Variants in DNAH9 observed in about 807,000 individuals in gnomAD.
DNAH9 encodes DNAH9 variant protein.
In DNAH9, 345 loss-of-function variants were observed where a neutral mutation model predicts 471.6. The observed-to-expected ratio is 0.73, with a 90% CI of 0.67 to 0.80. DNAH9 has a LOEUF of 0.80. Ranked by LOEUF, DNAH9 falls within the 30% of genes least tolerant of loss-of-function variation. DNAH9 has a pLI of 0.00. For missense variants in DNAH9, 5,407 were observed against 5,609.2 expected, an observed-to-expected ratio of 0.96 and a Z score of 1.15; for synonymous variants, 2,093 against 2,123.6, an observed-to-expected ratio of 0.99 and a Z score of 0.40.
intron 38 of DNAH9, among the ~76,000 whole-genome samples, chr17:11,777,715 G>A (rs886323934): frequency 5.3e-5 from 8 of 152,152 alleles, no homozygotes; most frequent in South Asian, 2.1e-4. Context: ...ATTATAAACC[G>A]CAAGGTTGGA....
At chr17:11,769,664 G>A (rs983779378) in intron 38 of DNAH9, among the ~76,000 whole-genome samples, 4 of 152,310 alleles carry the variant, frequency 2.6e-5, no homozygotes, top group African/African-American at 4.8e-5. Flanking sequence ...GCAGACTTCC[G>A]GCACTGAAAG....
At chr17:11,711,093 C>T (rs2074819911) in intron 26 of DNAH9, among the ~76,000 whole-genome samples, 1 of 152,192 alleles carries the variant, frequency 6.6e-6, no homozygotes, top group Admixed American at 6.5e-5. Context: ...TAGACCCTCT[C>T]TTGCCTGGCA....
chr17:11,635,028 T>C (rs777003993), intron 8 of DNAH9, among the ~76,000 whole-genome samples: 1 of 152,254 alleles, frequency 6.6e-6, no homozygotes, highest in Non-Finnish European at 1.5e-5. Flanking sequence ...GATGTAATTT[T>C]ATATCGTGTT....
chr17:11,920,028 G>C (rs1567900396), intron 61 of DNAH9, among the ~76,000 whole-genome samples: 1 of 129,778 alleles, frequency 7.7e-6, no homozygotes, highest in Non-Finnish European at 1.6e-5. Context: ...ATGGAGCTAA[G>C]TTCTTTCTTT....
intron 15 of DNAH9, among the ~76,000 whole-genome samples, chr17:11,666,055 C>A (rs2073861214): frequency 6.6e-6 from 1 of 152,116 alleles, no homozygotes; most frequent in African/African-American, 2.4e-5. Flanking sequence ...CAACAGGACT[C>A]AGGAAATCCA....
chr17:11,751,869 G>C (rs1461753197), intron 32 of DNAH9, among the ~76,000 whole-genome samples: 1 of 151,912 alleles, frequency 6.6e-6, no homozygotes, highest in Non-Finnish European at 1.5e-5. Context: ...AAAATTACTA[G>C]AATTAATAAG....
At chr17:11,967,974 A>G (rs112150985) in intron 68 of DNAH9, among the ~76,000 whole-genome samples, 6 of 152,202 alleles carry the variant, frequency 3.9e-5, no homozygotes, top group African/African-American at 1.4e-4. Flanking sequence ...CAAAATATAC[A>G]AAACAGAAAC....
At chr17:11,960,761 GA>G (rs1381044211) in intron 67 of DNAH9, among the ~76,000 whole-genome samples, 1 of 149,896 alleles carries the variant, frequency 6.7e-6, no homozygotes, top group African/African-American at 2.5e-5. Flanking sequence ...ACCGTCTCCA[GA>G]AAAAAAAAGA....
At position 11,943,632 on chromosome 17, in the gene DNAH9, G is replaced by A. The variant is rs149416247; in HGVS notation, c.12843+1147G>A. Among the ~76,000 whole-genome samples, 426 of 152,180 alleles carry A rather than the reference G, an allele frequency of 2.8e-3. 9 individuals are homozygous for A. The East Asian group carries it at 0.041, about 15-fold the overall frequency. Reference sequence around the variant, plus strand: ...GCGGAGCTTGCAGTGAGCCGAGATCGCACCGCTGCACTCCAGCCTGGGTGA... The same window carrying A: ...GCGGAGCTTGCAGTGAGCCGAGATCACACCGCTGCACTCCAGCCTGGGTGA... On this transcript the variant is annotated intron_variant, in intron 67 of 68. Coordinates refer to ENST00000262442, the MANE Select transcript of DNAH9 (RefSeq NM_001372.4).
intron 27 of DNAH9, among the ~76,000 whole-genome samples, chr17:11,723,741 C>A (rs527793698): frequency 6.6e-6 from 1 of 152,044 alleles, no homozygotes; most frequent in South Asian, 2.1e-4. Flanking sequence ...GATCTCAGCT[C>A]ACTGCAAGCT....
intron 49 of DNAH9, among the ~76,000 whole-genome samples, chr17:11,839,031 A>G (rs749260836): frequency 1.3e-5 from 2 of 152,150 alleles, no homozygotes; most frequent in Non-Finnish European, 2.9e-5. Flanking sequence ...TTTTGTTTTT[A>G]TAGCTGAACT....
chr17:11,918,207 T>G (rs1567898919), intron 61 of DNAH9, among the ~76,000 whole-genome samples: 1 of 109,982 alleles, frequency 9.1e-6, no homozygotes, highest in African/African-American at 3.7e-5. Flanking sequence ...TGGGTGTTTT[T>G]TTGTTTTGTT....
intron 11 of DNAH9, among the ~76,000 whole-genome samples, chr17:11,646,022 G>A (rs1308107905): frequency 1.3e-5 from 2 of 151,754 alleles, no homozygotes; most frequent in Admixed American, 6.6e-5. Context: ...TGGGACTACA[G>A]GTGCCCACCA....
chr17:11,943,242 C>T (rs1376881036), intron 67 of DNAH9, among the ~76,000 whole-genome samples: 1 of 152,104 alleles, frequency 6.6e-6, no homozygotes, highest in East Asian at 1.9e-4. Flanking sequence ...CTCAGACAAG[C>T]CCTGGAAGTC....
intron 41 of DNAH9, among the ~76,000 whole-genome samples, chr17:11,785,027 C>A (rs1051448077): frequency 3.3e-5 from 5 of 152,142 alleles, no homozygotes; most frequent in Admixed American, 6.5e-5. Context: ...AAGAGGGTCT[C>A]AGTCCTAAAA....
chr17:11,803,768 T>TG (rs912776691), intron 43 of DNAH9, among the ~76,000 whole-genome samples: 2 of 152,136 alleles, frequency 1.3e-5, no homozygotes, highest in Non-Finnish European at 2.9e-5. Flanking sequence ...AGAATAGGGC[T>TG]GGGGGGTTGG....
intron 44 of DNAH9, among the ~76,000 whole-genome samples, chr17:11,809,111 A>G (rs1969795457): frequency 6.6e-6 from 1 of 152,238 alleles, no homozygotes; most frequent in Non-Finnish European, 1.5e-5. Flanking sequence ...AGATTGATCA[A>G]GCTGGATAAG....
intron 63 of DNAH9, 43 bp downstream of exon 63, chr17:11,930,136 A>G: frequency 1.3e-6 from 2 of 1,534,118 alleles, no homozygotes; most frequent in Non-Finnish European, 1.8e-6. Context: ...CACACCTCAC[A>G]GTCAGCTGAT....
At chr17:11,835,069 G>T (rs532127033) in intron 49 of DNAH9, among the ~76,000 whole-genome samples, 171 bp downstream of exon 49, 1 of 152,224 alleles carries the variant, frequency 6.6e-6, no homozygotes, top group South Asian at 2.1e-4. Context: ...CTATCTTTTC[G>T]GTTCCATGAG....
Sources: allele counts gnomAD v4.1 joint callset (sites outside exome capture counted in the v4.1 genomes callset), GRCh38; gene constraint gnomAD v4.1.1; transcripts MANE v1.5; gene names NCBI Gene and HGNC (gene_info 2026-07-23, HGNC 2026-07-21).